The following MARCHF1 variants were observed in gnomAD, a reference collection of about 807,000 sequenced individuals.
The protein encoded by MARCHF1 is E3 ubiquitin-protein ligase MARCHF1.
Under a neutral mutation model 54.2 loss-of-function variants are expected in MARCHF1, and 40 were observed. The observed-to-expected ratio is 0.74, with a 90% CI of 0.57 to 0.96. MARCHF1 has a LOEUF of 0.96. MARCHF1 is among the 40% of genes least tolerant of loss of function. The pLI is 0.00. For synonymous variants in MARCHF1, 236 were observed against 236.3 expected, an observed-to-expected ratio of 1.00 and a Z score of 0.01; for missense variants, 586 against 656.5, an observed-to-expected ratio of 0.89 and a Z score of 1.17.
At chr4:163,530,389 C>T (rs1738305620) in intron 9 of MARCHF1, 1 of 151,970 alleles carries the variant, frequency 6.6e-6, no homozygotes, top group Non-Finnish European at 1.5e-5. Flanking sequence ...CAAATTAATG[C>T]AAACTTAGTA....
At chr4:163,550,504 G>GC (rs1739073413) in intron 8 of MARCHF1, among the ~76,000 whole-genome samples, 2 of 86,014 alleles carry the variant, frequency 2.3e-5, no homozygotes, top group Admixed American at 1.4e-4. Flanking sequence ...TAGTACGGTA[G>GC]CCCTTTTTTT....
At chr4:164,125,077 TA>T (rs1756151415) in intron 1 of MARCHF1, among the ~76,000 whole-genome samples, 1 of 152,056 alleles carries the variant, frequency 6.6e-6, no homozygotes, top group Admixed American at 6.6e-5. Flanking sequence ...CCACAAAAAT[TA>T]AAAATAAAAA....
At chr4:163,867,695 C>A (rs1419102741) in intron 3 of MARCHF1, among the ~76,000 whole-genome samples, 2 of 151,372 alleles carry the variant, frequency 1.3e-5, no homozygotes, top group African/African-American at 4.9e-5. Flanking sequence ...GTTCAAATTC[C>A]AAGAATATTA....
chr4:163,656,952 C>G (rs1743167070), intron 5 of MARCHF1, among the ~76,000 whole-genome samples: 2 of 152,024 alleles, frequency 1.3e-5, no homozygotes, highest in African/African-American at 4.8e-5. Flanking sequence ...CAATATCATA[C>G]TGAATAGGCA....
intron 5 of MARCHF1, among the ~76,000 whole-genome samples, chr4:163,691,102 T>G (rs1450387429): frequency 6.6e-6 from 1 of 152,220 alleles, no homozygotes; most frequent in African/African-American, 2.4e-5. Flanking sequence ...CTGAGGGATT[T>G]AGCTCCATTT....
intron 7 of MARCHF1, among the ~76,000 whole-genome samples, chr4:163,606,248 C>T (rs1430197448): frequency 2.0e-5 from 3 of 152,058 alleles, no homozygotes; most frequent in Non-Finnish European, 4.4e-5. Flanking sequence ...TACCCTGTAA[C>T]ACCGAATTCC....
At chr4:163,759,808 G>A (rs1746780311) in intron 4 of MARCHF1, among the ~76,000 whole-genome samples, 1 of 152,080 alleles carries the variant, frequency 6.6e-6, no homozygotes, top group African/African-American at 2.4e-5. Context: ...ACCTTTATGT[G>A]AATTTCATCT....
intron 1 of MARCHF1, among the ~76,000 whole-genome samples, chr4:164,221,707 C>A (rs1004582901): frequency 6.6e-6 from 1 of 151,928 alleles, no homozygotes; most frequent in Non-Finnish European, 1.5e-5. Context: ...TTTTTATACT[C>A]TTCCCTGTTG....
At chr4:164,299,752 G>A (rs370476255) in intron 1 of MARCHF1, among the ~76,000 whole-genome samples, 37 of 152,216 alleles carry the variant, frequency 2.4e-4, no homozygotes, top group African/African-American at 6.7e-4. Context: ...CTCTGACTCT[G>A]TGCAATGCTA....
intron 1 of MARCHF1, among the ~76,000 whole-genome samples, chr4:164,307,895 T>C (rs1734738518): frequency 6.6e-6 from 1 of 152,240 alleles, no homozygotes; most frequent in South Asian, 2.1e-4. Context: ...ATGAGCTTAA[T>C]GTTTAAGTGT....
At chr4:163,740,000 C>A (rs893573616) in intron 4 of MARCHF1, among the ~76,000 whole-genome samples, 1 of 152,078 alleles carries the variant, frequency 6.6e-6, no homozygotes, top group Non-Finnish European at 1.5e-5. Flanking sequence ...TTGTGGCAAC[C>A]ACTTTTTGCC....
intron 1 of MARCHF1, among the ~76,000 whole-genome samples, chr4:164,208,366 C>T (rs1579624494): frequency 6.6e-6 from 1 of 152,190 alleles, no homozygotes; most frequent in South Asian, 2.1e-4. Context: ...CCCTACCTCC[C>T]TTGCAAACTG....
chr4:163,760,275 T>C (rs533717271), intron 4 of MARCHF1, among the ~76,000 whole-genome samples: 2 of 152,346 alleles, frequency 1.3e-5, no homozygotes, highest in South Asian at 4.1e-4. Context: ...ACCCCGGCAA[T>C]CACAGTGAGC....
intron 2 of MARCHF1, among the ~76,000 whole-genome samples, chr4:164,086,469 A>G (rs1319572372): frequency 6.6e-6 from 1 of 152,032 alleles, no homozygotes; most frequent in Non-Finnish European, 1.5e-5. Flanking sequence ...GAAAAGTTCA[A>G]TATGCTTCAC....
intron 1 of MARCHF1, chr4:164,189,849 G>A: frequency 1.3e-6 from 2 of 1,596,386 alleles, no homozygotes; most frequent in Non-Finnish European, 1.7e-6. Flanking sequence ...TGCTCCTCGT[G>A]GGGTCCCACA....
chr4:164,045,524 TAAATAA>T (rs1754223734), intron 2 of MARCHF1, among the ~76,000 whole-genome samples: 2 of 150,628 alleles, frequency 1.3e-5, no homozygotes, highest in Non-Finnish European at 3.0e-5. Context: ...AATAAATAAA[TAAATAA>T]ATAAATAAAT....
chr4:164,017,588 T>C (rs1753570406), intron 2 of MARCHF1, among the ~76,000 whole-genome samples: 1 of 151,830 alleles, frequency 6.6e-6, no homozygotes, highest in African/African-American at 2.4e-5. Flanking sequence ...CCAAGAATAC[T>C]TAAAGATAAA....
intron 1 of MARCHF1, among the ~76,000 whole-genome samples, chr4:164,208,809 G>C (rs1226878557): frequency 2.0e-5 from 3 of 152,092 alleles, no homozygotes; most frequent in Non-Finnish European, 4.4e-5. Context: ...TTAGCTGGGT[G>C]TGGTGGCGTG....
chr4:164,123,119 G>A (rs1320029376), intron 1 of MARCHF1, among the ~76,000 whole-genome samples: 1 of 152,028 alleles, frequency 6.6e-6, no homozygotes, highest in East Asian at 1.9e-4. Flanking sequence ...AAAGTTGTAG[G>A]ATACAAAATG....
Sources: gnomAD v4.1 joint callset for allele counts (sites outside exome capture counted in the v4.1 genomes callset) on GRCh38, gnomAD v4.1.1 for gene constraint, MANE v1.5 for transcripts, NCBI Gene and HGNC (gene_info 2026-07-23, HGNC 2026-07-21) for gene names.